NELL1: variants seen among roughly 807,000 people sequenced by gnomAD.
NELL1 encodes neural EGFL like 1.
NELL1 carries 76 observed loss-of-function variants against 107.4 expected under a neutral mutation model. That is an observed-to-expected ratio of 0.71 (90% CI 0.59 to 0.86). The LOEUF is 0.86. Ranked by LOEUF, NELL1 falls within the 40% of genes least tolerant of loss-of-function variation. The pLI is 0.00. For synonymous variants in NELL1, 353 were observed against 341.2 expected (o/e 1.03, Z -0.38); for missense variants, 1,024 against 1,005.5 (o/e 1.02, Z -0.25).
At chr11:20,945,371 G>A (rs1242885184) in intron 10 of NELL1, among the ~76,000 whole-genome samples, 2 of 152,198 alleles carry the variant, frequency 1.3e-5, no homozygotes, top group Admixed American at 1.3e-4. Flanking sequence ...ACTGGCTTTG[G>A]GTCATACGCA....
At chr11:20,864,719 C>T (rs1849062502) in intron 4 of NELL1, among the ~76,000 whole-genome samples, 1 of 152,242 alleles carries the variant, frequency 6.6e-6, no homozygotes, top group Non-Finnish European at 1.5e-5. Context: ...CCATGGCAGG[C>T]CCAGCTAAGC....
chr11:21,230,698 T>C (rs1027429718), intron 14 of NELL1, among the ~76,000 whole-genome samples: 4 of 152,186 alleles, frequency 2.6e-5, no homozygotes, highest in African/African-American at 9.7e-5. Context: ...TAAGTCACTA[T>C]ATTTATGGAT....
chr11:20,896,871 C>T (rs201591994), intron 5 of NELL1, among the ~76,000 whole-genome samples: 28,967 of 151,630 alleles, frequency 0.19, 3,064 homozygotes, highest in South Asian at 0.3. Flanking sequence ...TGAAGGACCT[C>T]TTCAAGGAGA....
At chr11:21,059,809 G>C (rs1344711629) in intron 12 of NELL1, among the ~76,000 whole-genome samples, 1 of 152,092 alleles carries the variant, frequency 6.6e-6, no homozygotes, top group East Asian at 1.9e-4. Flanking sequence ...TGCTGAGTCA[G>C]AGGTTGGAGC....
chr11:21,326,069 T>G (rs78006258), intron 14 of NELL1, among the ~76,000 whole-genome samples: 17,391 of 115,786 alleles, frequency 0.15, 1,698 homozygotes, highest in Admixed American at 0.2. Flanking sequence ...TTTTTTTTTT[T>G]TTTTTTTTTT....
chr11:21,489,478 A>C (rs1482742898), intron 15 of NELL1, among the ~76,000 whole-genome samples: 3 of 151,642 alleles, frequency 2.0e-5, no homozygotes, highest in African/African-American at 7.3e-5. Flanking sequence ...AAACCAGACA[A>C]GGATACATCC....
intron 12 of NELL1, among the ~76,000 whole-genome samples, chr11:20,964,602 A>C (rs1296291412): frequency 3.3e-5 from 5 of 152,110 alleles, no homozygotes; most frequent in South Asian, 2.1e-4. Flanking sequence ...ATGATCCTCA[A>C]CTCATTTCTA....
intron 13 of NELL1, among the ~76,000 whole-genome samples, chr11:21,181,944 A>T (rs943391569): frequency 2.0e-5 from 3 of 151,926 alleles, no homozygotes; most frequent in Admixed American, 6.5e-5. Flanking sequence ...TTATTCTAAG[A>T]CTTTACATAT....
intron 2 of NELL1, among the ~76,000 whole-genome samples, chr11:20,686,921 T>C (rs1304101113): frequency 2.0e-5 from 3 of 148,890 alleles, no homozygotes; most frequent in East Asian, 3.9e-4. Flanking sequence ...CATGTGTGTA[T>C]AGGGGCTTCA....
rs370518158 is a variant in NELL1, at chr11:20,921,906, A to G, written c.759+2572A>G. 1.2e-3 allele frequency among the ~76,000 whole-genome samples: 185 copies of G among 150,646 alleles called. 1 individual carries two copies. Among genetic ancestry groups the G allele is most frequent in the African/African-American group, 4.3e-3 (176 of 41,036 alleles). ...ATTATTTGACATTATTTACTTAAGT[A>G]TTTTCAAACCAGATTGCTCAGAATC... On this transcript the variant is annotated intron_variant, in intron 7 of 19. Transcript: ENST00000357134.
At chr11:21,533,297 C>G (rs909222227) in intron 15 of NELL1, among the ~76,000 whole-genome samples, 3 of 152,104 alleles carry the variant, frequency 2.0e-5, no homozygotes, top group Non-Finnish European at 4.4e-5. Flanking sequence ...AGCTGATTGC[C>G]CCTGAACTGA....
At chr11:21,437,836 A>T (rs1853165727) in intron 15 of NELL1, among the ~76,000 whole-genome samples, 1 of 152,156 alleles carries the variant, frequency 6.6e-6, no homozygotes, top group Non-Finnish European at 1.5e-5. Flanking sequence ...GTCTTTTTTT[A>T]AAATCAGTTT....
intron 16 of NELL1, among the ~76,000 whole-genome samples, chr11:21,552,621 T>C (rs1229842825): frequency 2.0e-5 from 3 of 151,872 alleles, no homozygotes; most frequent in Non-Finnish European, 4.4e-5. Flanking sequence ...ACAGATCTTT[T>C]CAGAGAATCT....
At chr11:20,970,460 T>C (rs535238673) in intron 12 of NELL1, among the ~76,000 whole-genome samples, 23 of 152,338 alleles carry the variant, frequency 1.5e-4, no homozygotes, top group African/African-American at 5.3e-4. Context: ...GAGCCTTGTA[T>C]CAGATAAGAA....
chr11:21,383,961 A>T (rs1851676308), intron 15 of NELL1: 2 of 151,918 alleles, frequency 1.3e-5, no homozygotes, highest in African/African-American at 4.8e-5. Flanking sequence ...GCAAACTATA[A>T]TCTTTCACAT....
intron 3 of NELL1, among the ~76,000 whole-genome samples, chr11:20,812,251 C>T (rs1218168072): frequency 6.6e-6 from 1 of 152,120 alleles, no homozygotes; most frequent in African/African-American, 2.4e-5. Context: ...TTGTGTTTCA[C>T]ATGGTGAACC....
intron 14 of NELL1, among the ~76,000 whole-genome samples, chr11:21,322,683 A>G (rs997319063): frequency 6.6e-6 from 1 of 152,120 alleles, no homozygotes; most frequent in Non-Finnish European, 1.5e-5. Flanking sequence ...TATACATTTA[A>G]TAACCCACTA....
intron 15 of NELL1, among the ~76,000 whole-genome samples, chr11:21,412,326 A>T (rs1220640656): frequency 6.6e-6 from 1 of 152,178 alleles, no homozygotes; most frequent in South Asian, 2.1e-4. Flanking sequence ...TAGGACATAA[A>T]TGATTTTGTA....
intron 11 of NELL1, among the ~76,000 whole-genome samples, chr11:20,953,347 C>T (rs1851106293): frequency 1.3e-5 from 2 of 152,138 alleles, no homozygotes; most frequent in African/African-American, 4.8e-5. Flanking sequence ...CCATGTATTC[C>T]TTGCTGTGGA....
Sources: allele counts gnomAD v4.1 joint callset (sites outside exome capture counted in the v4.1 genomes callset), GRCh38; gene constraint gnomAD v4.1.1; transcripts MANE v1.5; gene names NCBI Gene and HGNC (gene_info 2026-07-23, HGNC 2026-07-21).